The following SLC35F4 variants were observed in gnomAD, a reference collection of about 807,000 sequenced individuals.
SLC35F4 encodes the protein chromosome 14 open reading frame 36.
In SLC35F4, 24 loss-of-function variants were observed where a neutral mutation model predicts 44.2. The ratio of observed to expected loss-of-function variants is 0.54; its 90% confidence interval spans 0.39 to 0.76. The LOEUF (loss-of-function observed/expected upper bound fraction) is 0.76, where lower values mean the gene tolerates loss of function less well. Among genes scored for constraint, SLC35F4 ranks in the 30% least tolerant of loss-of-function variants. The probability of loss-of-function intolerance (pLI) is 0.00; values close to 1 mark genes in which losing one functional copy is unlikely to be tolerated. For missense variants in SLC35F4, 562 were observed against 586.1 expected (o/e 0.96, Z 0.42); for synonymous variants, 238 against 223.6 (o/e 1.06, Z -0.57).
intron 1 of SLC35F4, among the ~76,000 whole-genome samples, chr14:57,903,470 T>C (rs1280964631): frequency 2.6e-5 from 4 of 152,178 alleles, no homozygotes; most frequent in Admixed American, 2.6e-4. Context: ...AGTCAGAACA[T>C]AGTTTAGAAA....
At chr14:57,570,003 C>T (rs749720604) in intron 5 of SLC35F4, 23 bp from the exon 6 acceptor site, 47 of 1,566,824 alleles carry the variant, frequency 3.0e-5, no homozygotes, top group Admixed American at 1.9e-5. Flanking sequence ...AGAAACTCTA[C>T]AGCCACACAG....
intron 1 of SLC35F4, among the ~76,000 whole-genome samples, chr14:57,681,388 C>T (rs2074899275): frequency 1.3e-5 from 2 of 152,192 alleles, no homozygotes; most frequent in East Asian, 1.9e-4. Context: ...GGATTAAAGA[C>T]TTAAAGGTAA....
At chr14:57,719,018 G>T (rs917170450) in intron 1 of SLC35F4, among the ~76,000 whole-genome samples, 2 of 152,128 alleles carry the variant, frequency 1.3e-5, no homozygotes, top group African/African-American at 4.8e-5. Flanking sequence ...TTTGTATAAG[G>T]CAAGAGATAG....
At chr14:57,582,584 C>T (rs891104939) in intron 3 of SLC35F4, among the ~76,000 whole-genome samples, 9 of 152,170 alleles carry the variant, frequency 5.9e-5, no homozygotes, top group African/African-American at 1.2e-4. Flanking sequence ...TGTACCTATA[C>T]GACTATGGAC....
chr14:57,958,595 C>T (rs921086415), intron 1 of SLC35F4, among the ~76,000 whole-genome samples: 9 of 151,940 alleles, frequency 5.9e-5, no homozygotes, highest in South Asian at 2.1e-4. Context: ...TTGAATACTT[C>T]GTGTGTATAC....
At chr14:57,651,093 CACTGGTATAGT>C (rs2073767033) in intron 1 of SLC35F4, among the ~76,000 whole-genome samples, 1 of 152,140 alleles carries the variant, frequency 6.6e-6, no homozygotes. Context: ...TCAGTGTGTT[CACTGGTATAGT>C]GCCTCCCTCT....
chr14:57,750,730 G>C (rs1026822891), intron 1 of SLC35F4, among the ~76,000 whole-genome samples: 2 of 145,602 alleles, frequency 1.4e-5, no homozygotes, highest in African/African-American at 4.9e-5. Flanking sequence ...GAATTATTTG[G>C]GTTTGTTGTT....
At chr14:57,573,762 A>G (rs1273592329) in intron 4 of SLC35F4, among the ~76,000 whole-genome samples, 2 of 152,204 alleles carry the variant, frequency 1.3e-5, no homozygotes, top group South Asian at 2.1e-4. Context: ...TTGTGTTTAA[A>G]TGATGTTCAC....
rs59027196 is a variant in SLC35F4 at position 57,950,675 on chromosome 14, C to CTTTTTTTTTTTTTTTT, written n.282+31237_282+31238insAAAAAAAAAAAAAAAA. 1.3e-4 allele frequency among the ~76,000 whole-genome samples: 17 copies of CTTTTTTTTTTTTTTTT among 127,160 alleles called. 1 individual carries two copies. The highest frequency in any genetic ancestry group is 8.2e-4 in the East Asian group (3 of 3,676). The allele number at this position is 127,160 out of a possible 152,430, so 83.4% of individuals were successfully genotyped here. On this transcript the variant is annotated intron_variant and non_coding_transcript_variant, in intron 1 of 1. Transcript: ENST00000556568. ...GACTCTTTGTTTCTTTTCTTTCTTT[C>CTTTTTTTTTTTTTTTT]TTTTTTTTTTTTGAGACAGAGTCTT...
At chr14:57,571,048 A>G (rs1826735) in intron 5 of SLC35F4, among the ~76,000 whole-genome samples, 19,184 of 152,176 alleles carry the variant, frequency 0.13, 1,407 homozygotes, top group Non-Finnish European at 0.16. Context: ...TCTGAGACAC[A>G]GTGTTGGTTA....
chr14:57,944,695 AAAAGAAAGAAAGAAAG>A (rs141697627), intron 1 of SLC35F4, among the ~76,000 whole-genome samples: 3,966 of 116,010 alleles, frequency 0.034, 87 homozygotes, highest in Middle Eastern at 0.043. Flanking sequence ...AGAAAGAAAG[AAAAGAAAGAAAGAAAG>A]AAAGAAAGAA....
At chr14:57,804,204 T>G (rs1324306455) in intron 1 of SLC35F4, among the ~76,000 whole-genome samples, 1 of 152,094 alleles carries the variant, frequency 6.6e-6, no homozygotes, top group Non-Finnish European at 1.5e-5. Flanking sequence ...CCAAAGTAAT[T>G]TACAGATTCA....
At chr14:57,953,172 C>G (rs1367373975) in intron 1 of SLC35F4, among the ~76,000 whole-genome samples, 1 of 152,112 alleles carries the variant, frequency 6.6e-6, no homozygotes, top group Non-Finnish European at 1.5e-5. Flanking sequence ...CCCAGAATAT[C>G]CAGACAACTA....
intron 1 of SLC35F4, among the ~76,000 whole-genome samples, chr14:57,854,798 G>C (rs1038098532): frequency 2.6e-5 from 4 of 152,210 alleles, no homozygotes; most frequent in Non-Finnish European, 4.4e-5. Flanking sequence ...AATAAGCTAT[G>C]CCAAGAGGCA....
At chr14:57,642,979 T>C (rs1205129076) in intron 1 of SLC35F4, among the ~76,000 whole-genome samples, 1 of 152,010 alleles carries the variant, frequency 6.6e-6, no homozygotes, top group Non-Finnish European at 1.5e-5. Flanking sequence ...GCATTTTAGA[T>C]ATACATTCTT....
chr14:57,870,582 A>G (rs1010046202), upstream of SLC35F4, among the ~76,000 whole-genome samples: 2 of 152,230 alleles, frequency 1.3e-5, no homozygotes, highest in Non-Finnish European at 2.9e-5. Context: ...GCAGACATAG[A>G]ACGCTTTGAG....
intron 1 of SLC35F4, among the ~76,000 whole-genome samples, chr14:57,840,194 T>G (rs1055134678): frequency 6.6e-6 from 1 of 152,188 alleles, no homozygotes; most frequent in Non-Finnish European, 1.5e-5. Flanking sequence ...CAAGAGTACA[T>G]TGATTCAAAA....
chr14:57,694,086 A>T (rs953740350), intron 1 of SLC35F4, among the ~76,000 whole-genome samples: 1 of 152,306 alleles, frequency 6.6e-6, no homozygotes, highest in Non-Finnish European at 1.5e-5. Context: ...CATTTGTAAC[A>T]TAGTCAACAG....
intron 1 of SLC35F4, among the ~76,000 whole-genome samples, chr14:57,774,639 C>T (rs1407405856): frequency 1.3e-5 from 2 of 152,194 alleles, no homozygotes; most frequent in East Asian, 1.9e-4. Context: ...TCCAGCCTGG[C>T]CACACCTGCT....
Sources: allele counts gnomAD v4.1 joint callset (sites outside exome capture counted in the v4.1 genomes callset), GRCh38; gene constraint gnomAD v4.1.1; transcripts MANE v1.5; gene names NCBI Gene and HGNC (gene_info 2026-07-23, HGNC 2026-07-21).